The following SMOC2 variants were observed in gnomAD, a reference collection of about 807,000 sequenced individuals.
SMOC2 encodes SPARC related modular calcium binding 2.
SMOC2 carries 39 observed loss-of-function variants against 61.4 expected under a neutral mutation model. The ratio of observed to expected loss-of-function variants is 0.64; its 90% CI spans 0.49 to 0.83. The LOEUF is 0.83. Among genes scored for constraint, SMOC2 ranks in the 40% least tolerant of loss-of-function variants. The probability of loss-of-function intolerance (pLI) is 0.00; values close to 1 mark genes in which losing one functional copy is unlikely to be tolerated. For synonymous variants in SMOC2, 247 were observed against 239.9 expected (o/e 1.03, Z -0.27); for missense variants, 556 against 592.9 (o/e 0.94, Z 0.65).
intron 9 of SMOC2, among the ~76,000 whole-genome samples, chr6:168,615,312 GGGGCCTCTTCACACCTACAGCCAGCACA>G (rs1169300658): frequency 0.038 from 751 of 20,006 alleles, 19 homozygotes; most frequent in Non-Finnish European, 0.043. Context: ...CAGCCAGCAC[GGGGCCTCTTCACACCTACAGCCAGCACA>G]GGGCCTCTTC....
chr6:168,465,221 TCA>T (rs1187391526), intron 1 of SMOC2, among the ~76,000 whole-genome samples: 1 of 152,254 alleles, frequency 6.6e-6, no homozygotes, highest in African/African-American at 2.4e-5. Context: ...TCTATATTTT[TCA>T]CTCAGTGGAA....
chr6:168,498,752 TC>T (rs1467166273), intron 1 of SMOC2, among the ~76,000 whole-genome samples: 28 of 119,762 alleles, frequency 2.3e-4, no homozygotes, highest in South Asian at 7.8e-4. Flanking sequence ...CCATAGCCTG[TC>T]TACTGCACAT....
intron 7 of SMOC2, among the ~76,000 whole-genome samples, chr6:168,581,485 G>A (rs531432096): frequency 5.9e-5 from 9 of 152,272 alleles, no homozygotes; most frequent in East Asian, 3.9e-4. Flanking sequence ...AGCCCCGGAC[G>A]GGTCTGACAC....
chr6:168,594,341 C>G (rs377008269), intron 7 of SMOC2, among the ~76,000 whole-genome samples: 4 of 41,384 alleles, frequency 9.7e-5, no homozygotes, highest in East Asian at 9.7e-4. Flanking sequence ...AGAGGATCGC[C>G]GAGCTCCTCC....
chr6:168,628,870 T>C (rs887781979), intron 9 of SMOC2, among the ~76,000 whole-genome samples: 21 of 152,216 alleles, frequency 1.4e-4, no homozygotes, highest in African/African-American at 4.8e-4. Flanking sequence ...GAGACCACTC[T>C]TCTCGGAACA....
At chr6:168,527,583 C>T (rs373394911) in intron 3 of SMOC2, 45 bp from the exon 4 acceptor site, 274 of 1,422,490 alleles carry the variant, frequency 1.9e-4, no homozygotes, top group Admixed American at 3.0e-4. Flanking sequence ...TGAGGCGCTG[C>T]GCCACGGGCC....
chr6:168,502,845 C>T (rs537718795), intron 1 of SMOC2, among the ~76,000 whole-genome samples: 1 of 152,128 alleles, frequency 6.6e-6, no homozygotes, highest in East Asian at 1.9e-4. Context: ...TGGCTCACTG[C>T]AACCTCCACC....
At chr6:168,458,846 GAT>G (rs1222114042) in intron 1 of SMOC2, among the ~76,000 whole-genome samples, 11 of 152,352 alleles carry the variant, frequency 7.2e-5, no homozygotes, top group African/African-American at 2.6e-4. Flanking sequence ...AGAGCAGGAA[GAT>G]GTTTGCTTAT....
In SMOC2 at chr6:168,535,789, T is replaced by C. The variant is rs1294778489; in HGVS notation, c.464-7836T>C. On this transcript the variant is annotated intron_variant, in intron 4 of 12. Coordinates refer to ENST00000356284, the MANE Select transcript of SMOC2 (RefSeq NM_001166412.2). This position sits in a 1 kb window ranked among gnomAD's most constrained non-coding sequence, Gnocchi z 4.6. The stretch of plus-strand genomic sequence containing the variant: ...GAGAGGCAGCGCCGCCGGGGGAAGA[T>C]GGGAGGGAGACCAATGCGCAGTGAC... Among the ~76,000 whole-genome samples, 1 of 151,954 alleles carries C rather than the reference T, an allele frequency of 6.6e-6. No individual in the cohort carries two copies. Among genetic ancestry groups the C allele is most frequent in the Non-Finnish European group, 1.5e-5 (1 of 68,006 alleles).
intron 9 of SMOC2, among the ~76,000 whole-genome samples, chr6:168,624,269 CTG>C (rs1482898267): frequency 6.6e-6 from 1 of 152,238 alleles, no homozygotes; most frequent in African/African-American, 2.4e-5. Context: ...ACACCACCCT[CTG>C]TAACTTAGTT....
intron 7 of SMOC2, among the ~76,000 whole-genome samples, chr6:168,575,171 A>G (rs564466533): frequency 1.3e-5 from 2 of 152,228 alleles, no homozygotes; most frequent in East Asian, 1.9e-4. Flanking sequence ...TCCCAGTGTT[A>G]ATTCTCACAG....
intron 4 of SMOC2, 72 bp from the exon 5 acceptor site, chr6:168,543,553 C>G: frequency 2.2e-6 from 3 of 1,346,944 alleles, no homozygotes; most frequent in Non-Finnish European, 3.2e-6. Flanking sequence ...AAAATATGTG[C>G]ATAACTTAAT....
At chr6:168,509,061 C>G (rs184049863) in intron 1 of SMOC2, among the ~76,000 whole-genome samples, 3 of 152,118 alleles carry the variant, frequency 2.0e-5, no homozygotes, top group African/African-American at 7.2e-5. Flanking sequence ...ACTAGTTGGC[C>G]GGTCAGGAAG....
chr6:168,610,533 G>T (rs570503215), intron 9 of SMOC2, among the ~76,000 whole-genome samples: 1 of 152,286 alleles, frequency 6.6e-6, no homozygotes, highest in African/African-American at 2.4e-5. Flanking sequence ...TCCCATGCAG[G>T]CTGATGTATT....
intron 8 of SMOC2, among the ~76,000 whole-genome samples, chr6:168,606,467 C>A (rs1240723675): frequency 6.6e-6 from 1 of 152,150 alleles, no homozygotes; most frequent in Non-Finnish European, 1.5e-5. Flanking sequence ...ATGTGTGGTT[C>A]CTGACTCTTA....
At chr6:168,621,721 TCTCAC>T (rs1562388043) in intron 9 of SMOC2, among the ~76,000 whole-genome samples, 6 of 124,910 alleles carry the variant, frequency 4.8e-5, no homozygotes, top group African/African-American at 1.8e-4. Flanking sequence ...GATCTCACGA[TCTCAC>T]GCGGACTCAC....
At chr6:168,587,496 ACTT>A (rs1192676495) in intron 7 of SMOC2, among the ~76,000 whole-genome samples, 1 of 152,246 alleles carries the variant, frequency 6.6e-6, no homozygotes, top group Non-Finnish European at 1.5e-5. Flanking sequence ...AGGCGGGACA[ACTT>A]CTTAAGCAGA....
At chr6:168,456,799 T>C (rs1781597259) in intron 1 of SMOC2, among the ~76,000 whole-genome samples, 1 of 152,032 alleles carries the variant, frequency 6.6e-6, no homozygotes, top group African/African-American at 2.4e-5. Context: ...TCGTTTTTGG[T>C]GGCAAGCAAA....
Position 168,598,877 on chromosome 6 carries a change from G to A in SMOC2, c.697G>A (p.Asp233Asn), listed in dbSNP as rs750297215. The A allele has an allele frequency of 2.5e-6, 4 of 1,613,860 alleles. No homozygotes were observed. The highest frequency in any genetic ancestry group is 1.7e-4 in the Middle Eastern group (1 of 6,058). ...ALEEAKQPKN[D>N]NVVIPECAHG... ...GGAGGAAGCCAAGCAGCCCAAGAACGACAATGTGGTGATCCCTGAGTGTGC... is the reference window on the plus strand; with the variant it reads ...GGAGGAAGCCAAGCAGCCCAAGAACAACAATGTGGTGATCCCTGAGTGTGC... Residue 233 changes from aspartate to asparagine, a missense_variant, in exon 8 of 13, where the codon GAC becomes AAC. Physicochemically the swap from Asp to Asn is conservative, Grantham distance 23 (BLOSUM62 1). Coordinates refer to ENST00000356284, the MANE Select transcript of SMOC2 (RefSeq NM_001166412.2).
Sources: gnomAD v4.1 joint callset for allele counts (sites outside exome capture counted in the v4.1 genomes callset) on GRCh38, gnomAD v4.1.1 for gene constraint, Gnocchi (gnomAD v3.1) non-coding constraint, MANE v1.5 for transcripts, NCBI Gene and HGNC (gene_info 2026-07-23, HGNC 2026-07-21) for gene names.